Variants in SCLT1 observed in about 807,000 individuals in gnomAD.
SCLT1 encodes the protein sodium channel and clathrin linker 1.
SCLT1 carries 78 observed loss-of-function variants against 112.8 expected under a neutral mutation model. That is an observed-to-expected ratio of 0.69 (90% confidence interval 0.58 to 0.83). SCLT1 has a LOEUF of 0.83. SCLT1 is among the 40% of genes least tolerant of loss of function. The pLI, the probability that SCLT1 is intolerant of heterozygous loss-of-function variation, is 0.00. For synonymous variants in SCLT1, 257 were observed against 254.7 expected (o/e 1.01, Z -0.09); for missense variants, 747 against 770.4 (o/e 0.97, Z 0.36).
chr4:128,929,276 G>A (rs573773533), intron 18 of SCLT1, among the ~76,000 whole-genome samples: 103 of 152,262 alleles, frequency 6.8e-4, no homozygotes, highest in Middle Eastern at 3.4e-3. Flanking sequence ...TTTCTACAAG[G>A]AAATGAACTT....
intron 2 of SCLT1, among the ~76,000 whole-genome samples, chr4:129,049,411 T>C (rs1483279936): frequency 4.3e-5 from 6 of 139,390 alleles, no homozygotes; most frequent in Non-Finnish European, 9.0e-5. Context: ...TTCTCACTCA[T>C]AGATGGGAAT....
intron 2 of SCLT1, among the ~76,000 whole-genome samples, chr4:129,047,839 T>C (rs1264812281): frequency 6.6e-6 from 1 of 152,108 alleles, no homozygotes; most frequent in African/African-American, 2.4e-5. Flanking sequence ...AGATTCTTCT[T>C]TTAACTGTTG....
At chr4:129,021,060 A>G (rs999126868) in intron 5 of SCLT1, among the ~76,000 whole-genome samples, 3 of 152,212 alleles carry the variant, frequency 2.0e-5, no homozygotes, top group African/African-American at 4.8e-5. Flanking sequence ...TACTCAGTTC[A>G]TCTCATCGGG....
At chr4:128,903,918 T>C (rs767327415) in intron 18 of SCLT1, among the ~76,000 whole-genome samples, 13 of 152,168 alleles carry the variant, frequency 8.5e-5, no homozygotes, top group Admixed American at 3.3e-4. Flanking sequence ...AGGATAAACA[T>C]TAAATAAGAC....
intron 14 of SCLT1, 53 bp from the exon 15 acceptor site, chr4:128,948,623 A>G: frequency 7.8e-7 from 1 of 1,279,204 alleles, no homozygotes; most frequent in Non-Finnish European, 1.1e-6. Context: ...ATCTTAAGAA[A>G]AGTGGGGAAA....
chr4:128,937,665 T>A (rs1247686546), intron 17 of SCLT1, among the ~76,000 whole-genome samples: 1 of 152,204 alleles, frequency 6.6e-6, no homozygotes, highest in Non-Finnish European at 1.5e-5. Context: ...GAATGATTAA[T>A]GAATGAATTA....
chr4:129,078,243 A>C (rs1025025526), intron 2 of SCLT1, among the ~76,000 whole-genome samples: 1 of 152,214 alleles, frequency 6.6e-6, no homozygotes, highest in African/African-American at 2.4e-5. Context: ...AATTAGTATA[A>C]TCACAATGCA....
intron 2 of SCLT1, among the ~76,000 whole-genome samples, chr4:129,050,205 T>C (rs1163688802): frequency 6.6e-6 from 1 of 152,196 alleles, no homozygotes; most frequent in Non-Finnish European, 1.5e-5. Context: ...AACATACGTG[T>C]GCATGTGTCT....
chr4:128,892,163 G>C (rs1298702965), intron 18 of SCLT1, among the ~76,000 whole-genome samples: 5 of 152,106 alleles, frequency 3.3e-5, no homozygotes, highest in Admixed American at 3.3e-4. Flanking sequence ...TCTTCTTCTT[G>C]TTCAACGTAT....
intron 2 of SCLT1, among the ~76,000 whole-genome samples, chr4:129,057,790 C>T (rs1359720082): frequency 4.0e-5 from 6 of 150,262 alleles, no homozygotes; most frequent in South Asian, 2.1e-4. Flanking sequence ...CTTGCTCTGT[C>T]GCCCAGGCTG....
chr4:128,882,803 T>A (rs530584300), downstream of SCLT1, among the ~76,000 whole-genome samples: 2 of 152,198 alleles, frequency 1.3e-5, no homozygotes, highest in South Asian at 4.1e-4. Context: ...AGGGAAGGCC[T>A]CTGAGGAACT....
intron 5 of SCLT1, among the ~76,000 whole-genome samples, chr4:129,011,134 T>A (rs1385033464): frequency 2.0e-5 from 3 of 152,232 alleles, no homozygotes; most frequent in African/African-American, 7.2e-5. Flanking sequence ...ATGAAGAATG[T>A]TAAATTTTAA....
At chr4:128,923,252 C>T (rs1736016263) in intron 18 of SCLT1, among the ~76,000 whole-genome samples, 1 of 152,012 alleles carries the variant, frequency 6.6e-6, no homozygotes, top group Admixed American at 6.6e-5. Flanking sequence ...TTGAGACCAG[C>T]CTCGCCAATA....
chr4:129,089,926 T>C (rs1231364248), intron 1 of SCLT1, among the ~76,000 whole-genome samples: 1 of 152,092 alleles, frequency 6.6e-6, no homozygotes, highest in Non-Finnish European at 1.5e-5. Flanking sequence ...GACGGGTTGA[T>C]GGGTGCAGCA....
At chr4:128,979,040 A>G (rs1408977005) in intron 9 of SCLT1, among the ~76,000 whole-genome samples, 1 of 152,144 alleles carries the variant, frequency 6.6e-6, no homozygotes, top group Admixed American at 6.6e-5. Context: ...TTAGCAGGTA[A>G]TTTGTAAGTA....
intron 9 of SCLT1, among the ~76,000 whole-genome samples, chr4:128,972,938 T>C (rs988378259): frequency 6.6e-6 from 1 of 152,220 alleles, no homozygotes; most frequent in Non-Finnish European, 1.5e-5. Flanking sequence ...TCTACTGGCA[T>C]ATAAGGCCAG....
chr4:128,935,081 T>C (rs73850038), intron 18 of SCLT1, among the ~76,000 whole-genome samples: 5,012 of 152,098 alleles, frequency 0.033, 231 homozygotes, highest in African/African-American at 0.1. Flanking sequence ...TTATGATTTT[T>C]CTCTTTTAAT....
intron 5 of SCLT1, among the ~76,000 whole-genome samples, chr4:129,031,479 A>G (rs1746714935): frequency 6.6e-6 from 1 of 152,140 alleles, no homozygotes; most frequent in Non-Finnish European, 1.5e-5. Context: ...AGGCAACAGA[A>G]AGAAAGAAAG....
chr4:128,987,943 G>A (rs1579607807), intron 9 of SCLT1, among the ~76,000 whole-genome samples: 2 of 151,682 alleles, frequency 1.3e-5, no homozygotes, highest in East Asian at 1.9e-4. Context: ...CAAGAGAAGA[G>A]AAGCAAATAA....
Sources: allele counts gnomAD v4.1 joint callset (sites outside exome capture counted in the v4.1 genomes callset), GRCh38; gene constraint gnomAD v4.1.1; transcripts MANE v1.5; gene names NCBI Gene and HGNC (gene_info 2026-07-23, HGNC 2026-07-21).